PCDH15: variants seen among roughly 807,000 people sequenced by gnomAD.
PCDH15 encodes protocadherin-15.
Under a neutral mutation model 178.5 loss-of-function variants are expected in PCDH15, and 129 were observed. The ratio of observed to expected loss-of-function variants is 0.72; its 90% CI spans 0.63 to 0.84. The LOEUF (loss-of-function observed/expected upper bound fraction) is 0.84. Ranked by LOEUF, PCDH15 falls within the 40% of genes least tolerant of loss-of-function variation. The pLI is 0.00. For synonymous variants in PCDH15, 800 were observed against 732.0 expected (o/e 1.09, Z -1.50); for missense variants, 2,230 against 2,099.9 (o/e 1.06, Z -1.21).
At chr10:54,015,834 C>T (rs930875440) in intron 20 of PCDH15, among the ~76,000 whole-genome samples, 1 of 151,906 alleles carries the variant, frequency 6.6e-6, no homozygotes. Flanking sequence ...TGGACATAAG[C>T]CCTGGCAAAG....
chr10:55,157,221 C>T (rs2132108327), intron 2 of PCDH15, among the ~76,000 whole-genome samples: 1 of 152,050 alleles, frequency 6.6e-6, no homozygotes, highest in East Asian at 1.9e-4. Context: ...TCATCACTGG[C>T]CATCAGAGAA....
intron 25 of PCDH15, among the ~76,000 whole-genome samples, chr10:53,926,019 A>C (rs1339464880): frequency 1.3e-5 from 2 of 152,124 alleles, no homozygotes; most frequent in East Asian, 1.9e-4. Flanking sequence ...GTTTTTATTT[A>C]GATCTTATTC....
chr10:53,900,900 T>A (rs1023232239), intron 26 of PCDH15, among the ~76,000 whole-genome samples: 1 of 152,194 alleles, frequency 6.6e-6, no homozygotes, highest in African/African-American at 2.4e-5. Context: ...TGGACTAGTT[T>A]AACATTTGGC....
intron 2 of PCDH15, among the ~76,000 whole-genome samples, chr10:54,947,239 A>C (rs188321447): frequency 1.3e-5 from 2 of 152,056 alleles, no homozygotes; most frequent in Admixed American, 6.6e-5. Flanking sequence ...TGCGTGACTT[A>C]GCTCATTTAG....
intron 8 of PCDH15, among the ~76,000 whole-genome samples, chr10:54,304,870 T>C (rs1044910370): frequency 6.6e-6 from 1 of 151,928 alleles, no homozygotes; most frequent in African/African-American, 2.4e-5. Flanking sequence ...ATTTCCCTTT[T>C]TTTTTGTATG....
intron 2 of PCDH15, among the ~76,000 whole-genome samples, chr10:55,386,647 G>A (rs1837666730): frequency 6.6e-6 from 1 of 151,970 alleles, no homozygotes; most frequent in Non-Finnish European, 1.5e-5. Flanking sequence ...TATCCAGCAT[G>A]TCCATCTCTA....
intron 2 of PCDH15, among the ~76,000 whole-genome samples, chr10:55,450,618 A>G (rs1218744018): frequency 2.0e-5 from 3 of 152,104 alleles, no homozygotes; most frequent in African/African-American, 7.2e-5. Context: ...ATTCATTGCA[A>G]TTTTCAGTAG....
chr10:54,291,056 G>T (rs2132999409), intron 8 of PCDH15, among the ~76,000 whole-genome samples: 1 of 152,052 alleles, frequency 6.6e-6, no homozygotes, highest in Non-Finnish European at 1.5e-5. Flanking sequence ...TTATAAAATT[G>T]ACCACATAAT....
rs1387374747 is a variant in PCDH15 at position 55,274,692 on chromosome 10, C to A, written c.-156+44907G>T. ...CCCCAACCTTTTTGACACCAGGAAC[C>A]TGTTTCATGGAAGACAAATTTTCCA... On this transcript the variant is annotated intron_variant, in intron 1 of 5. Transcript: ENST00000458638. 3.3e-5 allele frequency among the ~76,000 whole-genome samples: 5 copies of A among 152,194 alleles called. No homozygotes were observed. The East Asian group carries it at 9.7e-4, about 29-fold the overall frequency.
chr10:54,067,796 T>C (rs1320787033), intron 17 of PCDH15, among the ~76,000 whole-genome samples: 1 of 152,160 alleles, frequency 6.6e-6, no homozygotes, highest in East Asian at 1.9e-4. Context: ...AGCAAGGTGA[T>C]ACTGTCATGA....
intron 1 of PCDH15, among the ~76,000 whole-genome samples, chr10:54,665,953 CT>C (rs745396112): frequency 1.3e-5 from 2 of 150,430 alleles, no homozygotes; most frequent in East Asian, 2.0e-4. Context: ...AAGAATGTGG[CT>C]TTTTTTTTAA....
At chr10:54,666,745 G>T (rs1466346354) in intron 1 of PCDH15, among the ~76,000 whole-genome samples, 1 of 151,882 alleles carries the variant, frequency 6.6e-6, no homozygotes, top group African/African-American at 2.4e-5. Context: ...AAATTAAAGA[G>T]ACGGTAATAT....
At chr10:55,120,882 G>A (rs1424983636) in intron 2 of PCDH15, among the ~76,000 whole-genome samples, 1 of 152,170 alleles carries the variant, frequency 6.6e-6, no homozygotes, top group East Asian at 1.9e-4. Flanking sequence ...AAGCTGTGGA[G>A]GCATGGCTTT....
intron 2 of PCDH15, among the ~76,000 whole-genome samples, chr10:54,551,311 G>A (rs186548121): frequency 4.0e-5 from 6 of 151,894 alleles, no homozygotes; most frequent in Admixed American, 2.0e-4. Context: ...CATTTATATC[G>A]CCTCTATACA....
intron 2 of PCDH15, 59 bp from the exon 3 acceptor site, chr10:54,527,936 A>C (rs1347891591): frequency 2.3e-6 from 3 of 1,325,760 alleles, no homozygotes; most frequent in Non-Finnish European, 3.2e-6. Flanking sequence ...ACAATGAGAA[A>C]AAAATTCATT....
chr10:54,527,536 T>C (rs1235445942), intron 3 of PCDH15, among the ~76,000 whole-genome samples: 1 of 152,142 alleles, frequency 6.6e-6, no homozygotes, highest in African/African-American at 2.4e-5. Context: ...TTCCAGCCCA[T>C]ATCTGGATGC....
intron 2 of PCDH15, among the ~76,000 whole-genome samples, chr10:55,049,791 A>T (rs1187285628): frequency 6.6e-6 from 1 of 152,036 alleles, no homozygotes; most frequent in Non-Finnish European, 1.5e-5. Flanking sequence ...TATTAATGAC[A>T]TTCTTGTTTC....
chr10:55,139,827 A>G (rs2132087207), intron 2 of PCDH15, among the ~76,000 whole-genome samples: 1 of 152,058 alleles, frequency 6.6e-6, no homozygotes, highest in African/African-American at 2.4e-5. Context: ...AAATCTTGGT[A>G]TTTTAGTATG....
At chr10:55,079,329 A>T (rs188211971) in intron 2 of PCDH15, among the ~76,000 whole-genome samples, 2 of 152,242 alleles carry the variant, frequency 1.3e-5, no homozygotes. Context: ...TGCATTCAGT[A>T]ATGTAGTCTC....
Sources: allele counts gnomAD v4.1 joint callset (sites outside exome capture counted in the v4.1 genomes callset), GRCh38; gene constraint gnomAD v4.1.1; transcripts MANE v1.5; gene names NCBI Gene and HGNC (gene_info 2026-07-23, HGNC 2026-07-21).